BABAM2: variants seen among roughly 807,000 people sequenced by gnomAD.
BABAM2 encodes BRISC and BRCA1-A complex member 2.
Under a neutral mutation model 54.7 loss-of-function variants are expected in BABAM2, and 31 were observed. That is an observed-to-expected ratio of 0.57 (90% CI 0.43 to 0.77). BABAM2 has a LOEUF of 0.77. Among genes scored for constraint, BABAM2 ranks in the 30% least tolerant of loss-of-function variants. The pLI, the probability that BABAM2 is intolerant of heterozygous loss-of-function variation, is 0.00. For synonymous variants in BABAM2, 167 were observed against 162.9 expected (o/e 1.03, Z -0.19); for missense variants, 364 against 455.8 (o/e 0.80, Z 1.83).
At chr2:28,309,993 A>T (rs1688930791) in intron 11 of BABAM2, 12 of 1,414,144 alleles carry the variant, frequency 8.5e-6, no homozygotes, top group Non-Finnish European at 1.2e-5. Context: ...TGAAGAGAAA[A>T]GCAAATCATA....
intron 7 of BABAM2, among the ~76,000 whole-genome samples, chr2:28,147,382 A>AT (rs986389488): frequency 3.3e-5 from 5 of 151,956 alleles, no homozygotes; most frequent in African/African-American, 9.7e-5. Flanking sequence ...CATTATTTAG[A>AT]TTTTTTTTCC....
chr2:28,047,751 A>G (rs913166418), intron 6 of BABAM2, among the ~76,000 whole-genome samples: 1 of 152,244 alleles, frequency 6.6e-6, no homozygotes, highest in African/African-American at 2.4e-5. Context: ...TAAAATATCT[A>G]CATTGCAACA....
At chr2:28,083,786 T>C (rs1573544669) in intron 6 of BABAM2, among the ~76,000 whole-genome samples, 1 of 152,206 alleles carries the variant, frequency 6.6e-6, no homozygotes, top group African/African-American at 2.4e-5. Flanking sequence ...TGGCCATCTT[T>C]GATATAGATG....
chr2:28,057,113 T>C (rs1008286093), intron 6 of BABAM2, among the ~76,000 whole-genome samples: 1 of 152,232 alleles, frequency 6.6e-6, no homozygotes, highest in Non-Finnish European at 1.5e-5. Flanking sequence ...TTCTCCATCT[T>C]CATACTTCTC....
chr2:28,080,369 T>C (rs1418535982), intron 6 of BABAM2, among the ~76,000 whole-genome samples: 1 of 152,172 alleles, frequency 6.6e-6, no homozygotes, highest in East Asian at 1.9e-4. Context: ...TGAAAACAGA[T>C]TATAATGTAT....
intron 1 of BABAM2, among the ~76,000 whole-genome samples, chr2:27,893,546 T>C (rs371686770): frequency 1.3e-5 from 2 of 152,236 alleles, no homozygotes; most frequent in Admixed American, 6.5e-5. Context: ...TTTGTCCCCT[T>C]ACTCATTTAT....
chr2:28,088,642 G>T (rs1373547043), intron 6 of BABAM2, among the ~76,000 whole-genome samples: 1 of 152,158 alleles, frequency 6.6e-6, no homozygotes, highest in Non-Finnish European at 1.5e-5. Context: ...CCCAATCTAG[G>T]CTGCACCCCA....
chr2:28,087,728 A>G (rs1665788094), intron 6 of BABAM2, among the ~76,000 whole-genome samples: 1 of 151,416 alleles, frequency 6.6e-6, no homozygotes, highest in African/African-American at 2.4e-5. Context: ...GGCCCACTGC[A>G]ACCTCTGCCT....
chr2:28,313,474 G>A lies in BABAM2; in HGVS notation c.1088+14983G>A, dbSNP rs148449429. The stretch of plus-strand genomic sequence containing the variant: ...GAAGCCAAGAAAGCAGAAATGGGGT[G>A]GGGGTGAGCTAGGGTAGTCTGTAAT... On this transcript the variant is annotated intron_variant, in intron 11 of 11. Coordinates refer to ENST00000379624, the MANE Select transcript of BABAM2 (RefSeq NM_199191.3). Among the ~76,000 whole-genome samples, 85 of 152,314 alleles carry A rather than the reference G, an allele frequency of 5.6e-4. 1 individual carries two copies. Among genetic ancestry groups the A allele is most frequent in the African/African-American group, 1.8e-3 (76 of 41,566 alleles).
At chr2:28,221,569 A>G (rs1184883259) in intron 7 of BABAM2, among the ~76,000 whole-genome samples, 1 of 152,192 alleles carries the variant, frequency 6.6e-6, no homozygotes, top group African/African-American at 2.4e-5. Context: ...GAATGGAAAT[A>G]ATGAATGTAT....
chr2:28,333,385 T>G (rs1350677655), intron 11 of BABAM2, among the ~76,000 whole-genome samples: 1 of 152,112 alleles, frequency 6.6e-6, no homozygotes, highest in Non-Finnish European at 1.5e-5. Flanking sequence ...TATGGCACCC[T>G]GCTTTGTAGG....
chr2:28,087,656 GT>G lies in BABAM2; in HGVS notation c.571-41603del, dbSNP rs772201598. 5.9e-3 allele frequency among the ~76,000 whole-genome samples: 856 copies of G among 144,522 alleles called. 3 individuals are homozygous for G. The highest frequency in any genetic ancestry group is 8.7e-3 in the Non-Finnish European group (569 of 65,442). The allele number at this position is 144,522 out of a possible 152,430, so 94.8% of individuals were successfully genotyped here. A position where few individuals can be genotyped will look rare whatever the true frequency, so the allele number is the denominator to read the frequency against. ...TTTGGGGGCTTCCTCAATATGAGGT[GT>G]TTTTTTTTTTTGACAGAGTCTCGCT... On this transcript the variant is annotated intron_variant, in intron 6 of 11. Coordinates refer to ENST00000379624, the MANE Select transcript of BABAM2 (RefSeq NM_199191.3).
intron 11 of BABAM2, among the ~76,000 whole-genome samples, chr2:28,315,027 A>AGAGAAGAAAGAAAGGAAAGAGAGAAG: frequency 5.5e-4 from 2 of 3,648 alleles, no homozygotes; most frequent in South Asian, 0.013. Context: ...AGAGAAGGAG[A>AGAGAAGAAAGAAAGGAAAGAGAGAAG]GAGAGAGAAG....
intron 11 of BABAM2, among the ~76,000 whole-genome samples, chr2:28,318,246 C>G (rs1010843844): frequency 2.0e-5 from 3 of 151,936 alleles, no homozygotes; most frequent in African/African-American, 7.3e-5. Context: ...CAAGGAAGGG[C>G]TGGACTAGAT....
intron 10 of BABAM2, among the ~76,000 whole-genome samples, chr2:28,277,875 A>C (rs1686006825): frequency 6.6e-6 from 1 of 152,234 alleles, no homozygotes; most frequent in Admixed American, 6.5e-5. Context: ...TAAGGGAGAC[A>C]GGCATGCAAA....
chr2:28,267,996 A>G (rs1420276201), intron 10 of BABAM2, among the ~76,000 whole-genome samples: 1 of 152,242 alleles, frequency 6.6e-6, no homozygotes. Flanking sequence ...GAAAATGACA[A>G]ACTGTATCTA....
chr2:28,087,232 A>G (rs1394803181), intron 6 of BABAM2, among the ~76,000 whole-genome samples: 1 of 152,188 alleles, frequency 6.6e-6, no homozygotes, highest in Non-Finnish European at 1.5e-5. Context: ...CCTGGAGGCC[A>G]AGGAATGAAT....
intron 7 of BABAM2, among the ~76,000 whole-genome samples, chr2:28,165,281 C>G (rs1324878449): frequency 6.6e-6 from 1 of 152,260 alleles, no homozygotes; most frequent in East Asian, 1.9e-4. Context: ...TTACAGATTA[C>G]TGGACATGTG....
rs58587872 is a variant in BABAM2, at chr2:28,192,517, CTTTTT to C, written c.681-44667_681-44663del. ...TATTCATTTGACTGGGTTTATAGCT[CTTTTT>C]TTTTTTTTTTTTTTTTTGAAACAGA... On this transcript the variant is annotated intron_variant, in intron 7 of 11. Coordinates refer to ENST00000379624, the MANE Select transcript of BABAM2 (RefSeq NM_199191.3). Among the ~76,000 whole-genome samples the C allele has an allele frequency of 2.8e-4, 34 of 120,576 alleles. 1 individual carries two copies. The highest frequency in any genetic ancestry group is 5.1e-4 in the Admixed American group (6 of 11,678). The allele number at this position is 120,576 out of a possible 152,430, so 79.1% of individuals were successfully genotyped here.
Sources: allele counts gnomAD v4.1 joint callset (sites outside exome capture counted in the v4.1 genomes callset), GRCh38; gene constraint gnomAD v4.1.1; transcripts MANE v1.5; gene names NCBI Gene and HGNC (gene_info 2026-07-23, HGNC 2026-07-21).